The following ERICH2 variants were observed in gnomAD, a reference collection of about 807,000 sequenced individuals.
ERICH2 encodes glutamate rich 2, also known as glutamate-rich protein 2.
A neutral mutation model predicts 17.4 loss-of-function variants in ERICH2; 17 were observed. The observed-to-expected ratio is 0.98, with a 90% CI of 0.67 to 1.47. The LOEUF (loss-of-function observed/expected upper bound fraction) is 1.47. Ranked by LOEUF, ERICH2 falls within the 40% of genes most tolerant of loss-of-function variation. The pLI is 0.00. For missense variants in ERICH2, 186 were observed against 183.2 expected (o/e 1.01, Z -0.09); for synonymous variants, 51 against 61.1 (o/e 0.83, Z 0.77).
the ERICH2 span, among the ~76,000 whole-genome samples, chr2:170,770,534 G>C: frequency 6.6e-6 from 1 of 152,060 alleles, no homozygotes; most frequent in Non-Finnish European, 1.5e-5. Context: ...GGCGACCTCA[G>C]GTTGGGGGAC....
exon 1 of ERICH2, chr2:170,783,849 T>G (rs1298123440): frequency 4.5e-6 from 7 of 1,550,570 alleles, no homozygotes; most frequent in Non-Finnish European, 6.1e-6. Context: ...ATGGAGACTG[T>G]AAATGAACCA....
chr2:170,777,537 T>C, the ERICH2 span: 4 of 1,060,488 alleles, frequency 3.8e-6, no homozygotes, highest in Admixed American at 4.3e-5. Flanking sequence ...TTAAATCCTT[T>C]ATTATGTTGC....
chr2:170,776,901 G>A, the ERICH2 span, among the ~76,000 whole-genome samples: 32 of 151,708 alleles, frequency 2.1e-4, no homozygotes, highest in African/African-American at 5.8e-4. Flanking sequence ...CTTAGTTATC[G>A]TTTGTGCTTC....
intron 2 of ERICH2, 84 bp from the exon 8 acceptor site, chr2:170,792,779 C>A: frequency 1.2e-6 from 1 of 828,450 alleles, no homozygotes; most frequent in South Asian, 2.2e-5. Flanking sequence ...AGCAAAATAA[C>A]TAATGATTAA....
chr2:170,792,996 C>G (rs1701327229), intron 3 of ERICH2, 76 bp downstream of exon 8: 1 of 864,184 alleles, frequency 1.2e-6, no homozygotes, highest in Non-Finnish European at 1.8e-6. Flanking sequence ...TATAAAATGG[C>G]TTGATTATCA....
At chr2:170,776,801 G>T in the ERICH2 span, among the ~76,000 whole-genome samples, 127 of 151,638 alleles carry the variant, frequency 8.4e-4, no homozygotes, top group African/African-American at 2.7e-3. Context: ...AGGTTTGGGG[G>T]TACGTGTGAA....
At chr2:170,788,027 C>T (rs974970420) in intron 2 of ERICH2, among the ~76,000 whole-genome samples, 1 of 152,168 alleles carries the variant, frequency 6.6e-6, no homozygotes, top group Non-Finnish European at 1.5e-5. Context: ...ATAAAAAATG[C>T]TTATGTACTT....
chr2:170,788,077 T>C (rs985453153), intron 2 of ERICH2, among the ~76,000 whole-genome samples: 1 of 152,196 alleles, frequency 6.6e-6, no homozygotes, highest in African/African-American at 2.4e-5. Flanking sequence ...TGGAATAATA[T>C]AAAGAAATCA....
At chr2:170,779,258 C>A (rs910590673), upstream of ERICH2, among the ~76,000 whole-genome samples, 1 of 152,170 alleles carries the variant, frequency 6.6e-6, no homozygotes, top group Admixed American at 6.6e-5. Flanking sequence ...CCATTCCGCT[C>A]TCCACCCTGC....
At chr2:170,776,821 C>G in the ERICH2 span, among the ~76,000 whole-genome samples, 1 of 150,958 alleles carries the variant, frequency 6.6e-6, no homozygotes, top group Non-Finnish European at 1.5e-5. Flanking sequence ...AGGTTGGTTA[C>G]ATAGGTAAAC....
the ERICH2 span, among the ~76,000 whole-genome samples, chr2:170,774,412 TATA>T: frequency 6.6e-6 from 1 of 152,100 alleles, no homozygotes; most frequent in African/African-American, 2.4e-5. Flanking sequence ...ATTTAATCCT[TATA>T]ATAATCCACC....
chr2:170,772,601 A>G, the ERICH2 span, among the ~76,000 whole-genome samples: 1 of 152,216 alleles, frequency 6.6e-6, no homozygotes, highest in African/African-American at 2.4e-5. Context: ...GAAATATATA[A>G]AATTTATATT....
In ERICH2 at chr2:170,784,702, CT is replaced by C; in HGVS notation, c.87del (p.Gln30ArgfsTer38). The stretch of plus-strand genomic sequence containing the variant: ...GCAGGAGAAAAATAATGAATATTGC[CT>C]TCAGGATATTGATGATAAATTGTCA... On this transcript the variant is annotated frameshift_variant, in exon 2 of 5. Transcript: ENST00000409885. LOFTEE classifies it high-confidence loss of function. 1 of 1,544,574 alleles carries C rather than the reference CT, an allele frequency of 6.5e-7. No homozygotes were observed. The highest frequency in any genetic ancestry group is 1.2e-5 in the South Asian group (1 of 82,624).
At chr2:170,770,899 C>G in the ERICH2 span, 9 of 149,090 alleles carry the variant, frequency 6.0e-5, no homozygotes, top group Non-Finnish European at 1.0e-4. Flanking sequence ...GCGCCCGCTC[C>G]GTCCCGCGCC....
At chr2:170,793,022 C>G in intron 3 of ERICH2, 102 bp downstream of exon 8, 2 of 586,292 alleles carry the variant, frequency 3.4e-6, no homozygotes, top group Non-Finnish European at 5.8e-6. Context: ...CTAGTGAATT[C>G]CCTGATAGTG....
chr2:170,788,578 T>C (rs902461951), intron 2 of ERICH2, among the ~76,000 whole-genome samples: 1 of 152,040 alleles, frequency 6.6e-6, no homozygotes, highest in African/African-American at 2.4e-5. Flanking sequence ...TTCAAGCGAT[T>C]CTCCTGCCTC....
At chr2:170,770,548 G>A in the ERICH2 span, among the ~76,000 whole-genome samples, 8 of 152,070 alleles carry the variant, frequency 5.3e-5, no homozygotes, top group Non-Finnish European at 8.8e-5. Flanking sequence ...GGGGGACTAA[G>A]TCCTGCAGGG....
the ERICH2 span, among the ~76,000 whole-genome samples, chr2:170,776,833 T>C: frequency 1.3e-5 from 2 of 151,890 alleles, no homozygotes; most frequent in African/African-American, 4.8e-5. Flanking sequence ...TAGGTAAACG[T>C]GTCATGAGGG....
intron 3 of ERICH2, among the ~76,000 whole-genome samples, chr2:170,796,188 C>T (rs1701409497): frequency 6.6e-6 from 1 of 152,140 alleles, no homozygotes; most frequent in South Asian, 2.1e-4. Flanking sequence ...AATTACTTTG[C>T]TCAGAAACCT....
Sources: allele counts gnomAD v4.1 joint callset (sites outside exome capture counted in the v4.1 genomes callset), GRCh38; gene constraint gnomAD v4.1.1; transcripts MANE v1.5; gene names NCBI Gene and HGNC (gene_info 2026-07-23, HGNC 2026-07-21).